SH3RF3: variants seen among roughly 807,000 people sequenced by gnomAD.
SH3RF3 encodes the protein SH3 domain containing ring finger 3, also known as E3 ubiquitin-protein ligase SH3RF3.
SH3RF3 carries 29 observed loss-of-function variants against 66.3 expected under a neutral mutation model. The ratio of observed to expected loss-of-function variants is 0.44; its 90% CI spans 0.33 to 0.60. The LOEUF is 0.60. SH3RF3 is among the 20% of genes least tolerant of loss of function. The probability of loss-of-function intolerance (pLI) is 0.04; values close to 1 mark genes in which losing one functional copy is unlikely to be tolerated. For missense variants in SH3RF3, 1,194 were observed against 1,190.9 expected (o/e 1.00, Z -0.04); for synonymous variants, 583 against 532.0 (o/e 1.10, Z -1.32).
At chr2:109,140,192 A>G (rs775940714) in intron 1 of SH3RF3, among the ~76,000 whole-genome samples, 1 of 152,210 alleles carries the variant, frequency 6.6e-6, no homozygotes, top group Non-Finnish European at 1.5e-5. Context: ...TGGTTGGTGC[A>G]TATGGGTCGA....
intron 6 of SH3RF3, among the ~76,000 whole-genome samples, chr2:109,433,815 C>T (rs1482075089): frequency 6.6e-6 from 1 of 152,152 alleles, no homozygotes; most frequent in Non-Finnish European, 1.5e-5. Flanking sequence ...AGTTAGAGAT[C>T]CTTCGCTCAG....
intron 8 of SH3RF3, among the ~76,000 whole-genome samples, chr2:109,451,762 A>G (rs1256305677): frequency 2.0e-5 from 3 of 152,246 alleles, no homozygotes; most frequent in Admixed American, 1.3e-4. Flanking sequence ...GGCGACATGC[A>G]GGGACGCCCT....
intron 1 of SH3RF3, among the ~76,000 whole-genome samples, chr2:109,234,608 T>G (rs541793859): frequency 1.3e-5 from 2 of 152,356 alleles, no homozygotes; most frequent in Non-Finnish European, 2.9e-5. Context: ...AATAAATGTT[T>G]GTTTCTCATT....
chr2:109,200,939 T>G (rs1016612677), intron 1 of SH3RF3, among the ~76,000 whole-genome samples: 1 of 152,168 alleles, frequency 6.6e-6, no homozygotes, highest in African/African-American at 2.4e-5. Flanking sequence ...AGTGCAGACC[T>G]CGCAGTGGCC....
At chr2:109,199,947 C>T (rs1678628594) in intron 1 of SH3RF3, among the ~76,000 whole-genome samples, 1 of 146,014 alleles carries the variant, frequency 6.8e-6, no homozygotes, top group Admixed American at 6.8e-5. Flanking sequence ...CACGTGTCCC[C>T]AGGGACGTTT....
intron 1 of SH3RF3, chr2:109,313,499 G>A (rs1050854998): frequency 1.9e-5 from 3 of 154,848 alleles, no homozygotes; most frequent in African/African-American, 4.8e-5. Context: ...TCCTTGCTGG[G>A]TGAGCGCTGT....
chr2:109,146,145 T>A (rs1346532775), intron 1 of SH3RF3, among the ~76,000 whole-genome samples: 1 of 152,186 alleles, frequency 6.6e-6, no homozygotes, highest in East Asian at 1.9e-4. Flanking sequence ...TTCTTGAGTC[T>A]TAAGTTTTCA....
intron 1 of SH3RF3, among the ~76,000 whole-genome samples, chr2:109,148,379 G>GC (rs1377262264): frequency 6.6e-6 from 1 of 152,244 alleles, no homozygotes; most frequent in East Asian, 1.9e-4. Flanking sequence ...GAGCTCATGA[G>GC]CCAGCCATCA....
chr2:109,170,576 C>G (rs1005546072), intron 1 of SH3RF3, among the ~76,000 whole-genome samples: 1 of 152,076 alleles, frequency 6.6e-6, no homozygotes, highest in African/African-American at 2.4e-5. Context: ...GATCTCCTGA[C>G]CTCAACCTCG....
chr2:109,263,257 A>C (rs1045747731), intron 1 of SH3RF3, among the ~76,000 whole-genome samples: 3 of 152,214 alleles, frequency 2.0e-5, no homozygotes, highest in African/African-American at 7.2e-5. Context: ...ATGTTGGTTT[A>C]AATTATTATC....
At position 109,393,552 on chromosome 2, in the gene SH3RF3, C is replaced by T. The variant is rs559862247; in HGVS notation, c.946-5038C>T. 9.2e-5 allele frequency among the ~76,000 whole-genome samples: 14 copies of T among 152,194 alleles called. No individual in the cohort carries two copies. The East Asian group carries it at 2.7e-3, about 29-fold the overall frequency. On this transcript the variant is annotated intron_variant, in intron 3 of 9. Coordinates refer to ENST00000309415, the MANE Select transcript of SH3RF3 (RefSeq NM_001099289.3). ...TAGGTGCTCAGTCCGTTTTGTTTTCCGAATGGTGCATCCATGAAAAGAGTC... is the reference window on the plus strand; with the variant it reads ...TAGGTGCTCAGTCCGTTTTGTTTTCTGAATGGTGCATCCATGAAAAGAGTC...
rs1439638781 is a variant in SH3RF3, at chr2:109,441,546, A to G, written c.1828+4400A>G. 2.6e-5 allele frequency among the ~76,000 whole-genome samples: 4 copies of G among 152,370 alleles called. No individual in the cohort carries two copies. The East Asian group carries it at 7.7e-4, about 29-fold the overall frequency. On this transcript the variant is annotated intron_variant, in intron 7 of 9. Transcript: ENST00000309415. The stretch of plus-strand genomic sequence containing the variant: ...TTTTGAAAAATGAATGGAATCCGTG[A>G]GCAATGGGACAACTTTAAGTGGCCT...
At chr2:109,174,886 A>C (rs895933122) in intron 1 of SH3RF3, among the ~76,000 whole-genome samples, 1 of 152,186 alleles carries the variant, frequency 6.6e-6, no homozygotes, top group South Asian at 2.1e-4. Flanking sequence ...AACATATTTC[A>C]GATTCTCTTT....
intron 1 of SH3RF3, among the ~76,000 whole-genome samples, chr2:109,188,117 T>A (rs1252844765): frequency 6.6e-6 from 1 of 152,222 alleles, no homozygotes; most frequent in Non-Finnish European, 1.5e-5. Flanking sequence ...CTCTCGGACA[T>A]CTAATGAGCA....
intron 2 of SH3RF3, 72 bp from the exon 3 acceptor site, chr2:109,371,514 C>T (rs1164429954): frequency 7.7e-7 from 1 of 1,303,066 alleles, no homozygotes; most frequent in East Asian, 2.4e-5. Flanking sequence ...ACAGTACTAA[C>T]CAGTGTCTTG....
intron 1 of SH3RF3, among the ~76,000 whole-genome samples, chr2:109,227,188 T>G (rs1394439136): frequency 6.6e-6 from 1 of 152,058 alleles, no homozygotes; most frequent in African/African-American, 2.4e-5. Context: ...AGGGTGTGTG[T>G]TTTCTCCTGA....
intron 3 of SH3RF3, among the ~76,000 whole-genome samples, chr2:109,389,824 G>T (rs1675933131): frequency 6.6e-6 from 1 of 152,080 alleles, no homozygotes; most frequent in South Asian, 2.1e-4. Flanking sequence ...CTTCCCTGAT[G>T]GGGGTGCACT....
At chr2:109,428,816 C>T (rs150170558) in intron 5 of SH3RF3, among the ~76,000 whole-genome samples, 1 of 152,264 alleles carries the variant, frequency 6.6e-6, no homozygotes, top group East Asian at 1.9e-4. Context: ...CTGTGTTGAG[C>T]TGCCAAGGTG....
chr2:109,307,700 T>A (rs866486797), intron 1 of SH3RF3, among the ~76,000 whole-genome samples: 140 of 148,322 alleles, frequency 9.4e-4, no homozygotes, highest in African/African-American at 3.4e-3. Context: ...TGCGATAGTT[T>A]ACTGAGAATG....
Sources: gnomAD v4.1 joint callset for allele counts (sites outside exome capture counted in the v4.1 genomes callset) on GRCh38, gnomAD v4.1.1 for gene constraint, MANE v1.5 for transcripts, NCBI Gene and HGNC (gene_info 2026-07-23, HGNC 2026-07-21) for gene names.